Variants in SND1 observed in about 807,000 individuals in gnomAD.
The protein encoded by SND1 is staphylococcal nuclease domain-containing protein 1.
In SND1, 38 loss-of-function variants were observed where a neutral mutation model predicts 121.7. That is an observed-to-expected ratio of 0.31 (90% CI 0.24 to 0.41). SND1 has a LOEUF of 0.41. SND1 is among the 10% of genes least tolerant of loss of function. The pLI is 1.00. For synonymous variants in SND1, 401 were observed against 447.4 expected, an observed-to-expected ratio of 0.90 and a Z score of 1.31; for missense variants, 868 against 1,184.6, an observed-to-expected ratio of 0.73 and a Z score of 3.92.
intron 10 of SND1, among the ~76,000 whole-genome samples, chr7:127,746,572 A>G (rs1219979501): frequency 3.9e-5 from 6 of 152,212 alleles, no homozygotes; most frequent in Non-Finnish European, 8.8e-5. Context: ...TGGAAACGCC[A>G]CAGGCATCCT....
chr7:127,830,743 A>G (rs2116623124), intron 11 of SND1, among the ~76,000 whole-genome samples: 1 of 152,286 alleles, frequency 6.6e-6, no homozygotes, highest in Non-Finnish European at 1.5e-5. Context: ...GACTGATTCC[A>G]GTCTCTTGTG....
chr7:127,906,714 A>C (rs920621191), intron 14 of SND1, among the ~76,000 whole-genome samples: 4 of 151,860 alleles, frequency 2.6e-5, no homozygotes, highest in African/African-American at 4.8e-5. Context: ...AGGTGAAGCA[A>C]CTCTAAGGAG....
rs1204569840 is a variant in SND1 at position 127,779,769 on chromosome 7, T to C, written c.1153-27715T>C. Among the ~76,000 whole-genome samples, 5 of 152,220 alleles carry C rather than the reference T, an allele frequency of 3.3e-5. No homozygotes were observed. The East Asian group carries it at 9.6e-4, about 29-fold the overall frequency. The stretch of plus-strand genomic sequence containing the variant: ...ATTGTGGTTTTCCATATATGCTTCA[T>C]GCGCTCTGTCCTTTTTGCTTTTCCT... On this transcript the variant is annotated intron_variant, in intron 10 of 23. Transcript: ENST00000354725.
chr7:127,874,142 A>G (rs144718297), intron 12 of SND1, among the ~76,000 whole-genome samples: 66 of 152,262 alleles, frequency 4.3e-4, no homozygotes, highest in Non-Finnish European at 8.5e-4. Flanking sequence ...CTCTCCACGC[A>G]GAAGCATTTA....
chr7:128,030,721 CT>C, intron 16 of SND1: 1 of 1,468,730 alleles, frequency 6.8e-7, no homozygotes, highest in Non-Finnish European at 9.1e-7. Flanking sequence ...CTTAAGTGAG[CT>C]AGGAGCTCCT....
chr7:128,006,424 G>A (rs961382738), intron 16 of SND1, among the ~76,000 whole-genome samples: 2 of 152,204 alleles, frequency 1.3e-5, no homozygotes, highest in African/African-American at 4.8e-5. Context: ...TCCCAAATAG[G>A]ACAGTTAGCT....
intron 12 of SND1, among the ~76,000 whole-genome samples, chr7:127,873,613 C>A (rs1799636537): frequency 6.6e-6 from 1 of 152,134 alleles, no homozygotes; most frequent in Admixed American, 6.5e-5. Context: ...GCAACTCAGG[C>A]TTAGGGACCA....
At chr7:127,701,121 T>C in intron 4 of SND1, 42 bp from the exon 5 acceptor site, 1 of 1,603,332 alleles carries the variant, frequency 6.2e-7, no homozygotes, top group Non-Finnish European at 8.5e-7. Flanking sequence ...TATTTCTGTT[T>C]GTGAACTCAC....
At chr7:127,734,289 C>A (rs1249642964) in intron 10 of SND1, among the ~76,000 whole-genome samples, 2 of 152,126 alleles carry the variant, frequency 1.3e-5, no homozygotes, top group Admixed American at 6.6e-5. Flanking sequence ...AGAAATTTAT[C>A]TGCTTCAGAG....
chr7:127,656,448 G>A (rs1795211471), intron 1 of SND1, among the ~76,000 whole-genome samples: 1 of 151,246 alleles, frequency 6.6e-6, no homozygotes, highest in African/African-American at 2.4e-5. Flanking sequence ...TCAGCCTCCC[G>A]AGTAGCTGGG....
chr7:127,858,106 G>T, intron 12 of SND1: 1 of 906,530 alleles, frequency 1.1e-6, no homozygotes, highest in Non-Finnish European at 1.9e-6. Context: ...TTCCCCCTCT[G>T]CCACTTCCTC....
chr7:127,724,509 G>A (rs922836084), intron 10 of SND1, among the ~76,000 whole-genome samples: 3 of 152,204 alleles, frequency 2.0e-5, no homozygotes, highest in African/African-American at 7.2e-5. Context: ...CAGGAAGGGA[G>A]AGAGAAAATG....
intron 16 of SND1, among the ~76,000 whole-genome samples, chr7:128,032,376 G>C (rs1001781000): frequency 6.0e-5 from 9 of 151,240 alleles, no homozygotes; most frequent in Middle Eastern, 3.4e-3. Flanking sequence ...AGCGGGGCCA[G>C]GGCGAGCGGG....
intron 16 of SND1, among the ~76,000 whole-genome samples, chr7:128,024,354 G>A (rs1452739370): frequency 1.3e-5 from 2 of 152,126 alleles, no homozygotes; most frequent in Non-Finnish European, 2.9e-5. Context: ...GCCAGCAGAG[G>A]AGATAAAATC....
rs775752176 is a variant in SND1 at position 128,066,187 on chromosome 7, C to T, written c.1780-8315C>T. On this transcript the variant is annotated intron_variant, in intron 16 of 23. Coordinates refer to ENST00000354725, the MANE Select transcript of SND1 (RefSeq NM_014390.4). ...ACCGAAGCTGCCCCCCTACCCCTAC[C>T]ATCCCACCCCTCATCCCTGAGGTAG... is the stretch of plus-strand genomic sequence containing the variant. Among the ~76,000 whole-genome samples, 7 of 152,232 alleles carry T rather than the reference C, an allele frequency of 4.6e-5. No individual in the cohort carries two copies. In the South Asian group the frequency reaches 8.3e-4, roughly 18 times the overall value.
At chr7:127,727,372 G>A (rs1326330522) in intron 10 of SND1, among the ~76,000 whole-genome samples, 1 of 152,172 alleles carries the variant, frequency 6.6e-6, no homozygotes, top group Non-Finnish European at 1.5e-5. Context: ...ATTGTAAGGG[G>A]CTCCGGGGTG....
intron 1 of SND1, among the ~76,000 whole-genome samples, chr7:127,668,844 C>A (rs1323043550): frequency 6.6e-6 from 1 of 152,212 alleles, no homozygotes; most frequent in East Asian, 1.9e-4. Context: ...ATTTGGATTC[C>A]CCATTTCCAT....
Position 127,779,191 on chromosome 7 carries a change from G to A in SND1, c.1153-28293G>A, listed in dbSNP as rs1436403575. Among the ~76,000 whole-genome samples the A allele has an allele frequency of 2.0e-5, 3 of 152,270 alleles. No homozygotes were observed. The East Asian group carries it at 5.8e-4, about 29-fold the overall frequency. On this transcript the variant is annotated intron_variant, in intron 10 of 23. Transcript: ENST00000354725. ...TTTTTCTTCTGACGTGAATGGTAGTGACATATTACACTAGAGCAGATCATG... is the reference window on the plus strand; with the variant it reads ...TTTTTCTTCTGACGTGAATGGTAGTAACATATTACACTAGAGCAGATCATG...
chr7:127,817,956 G>A (rs1376038699), intron 11 of SND1, among the ~76,000 whole-genome samples: 4 of 151,948 alleles, frequency 2.6e-5, no homozygotes, highest in Admixed American at 6.6e-5. Context: ...CAATGACGTC[G>A]AGATCCTCAA....
Sources: gnomAD v4.1 joint callset for allele counts (sites outside exome capture counted in the v4.1 genomes callset) on GRCh38, gnomAD v4.1.1 for gene constraint, MANE v1.5 for transcripts, NCBI Gene and HGNC (gene_info 2026-07-23, HGNC 2026-07-21) for gene names.